The following PTPRE variants were observed in gnomAD, a reference collection of about 807,000 sequenced individuals.
The protein encoded by PTPRE is protein tyrosine phosphatase receptor type E, also known as receptor-type tyrosine-protein phosphatase epsilon.
In PTPRE, 51 loss-of-function variants were observed where a neutral mutation model predicts 102.0. That is an observed-to-expected ratio of 0.50 (90% CI 0.40 to 0.63). The LOEUF is 0.63. Ranked by LOEUF, PTPRE falls within the 30% of genes least tolerant of loss-of-function variation. The pLI is 0.00. For missense variants in PTPRE, 752 were observed against 915.1 expected, an observed-to-expected ratio of 0.82 and a Z score of 2.30; for synonymous variants, 345 against 348.2, an observed-to-expected ratio of 0.99 and a Z score of 0.10.
At chr10:127,935,147 C>T (rs576924721) in intron 1 of PTPRE, among the ~76,000 whole-genome samples, 2 of 152,322 alleles carry the variant, frequency 1.3e-5, no homozygotes, top group African/African-American at 2.4e-5. Flanking sequence ...GCAGTCCCCT[C>T]TGAGTCTGTC....
chr10:127,973,395 C>G (rs1438346761), intron 1 of PTPRE, among the ~76,000 whole-genome samples: 2 of 152,168 alleles, frequency 1.3e-5, no homozygotes, highest in Non-Finnish European at 2.9e-5. Context: ...AGAATCTTCT[C>G]TGTTATCTCT....
intron 1 of PTPRE, among the ~76,000 whole-genome samples, chr10:127,921,457 C>T (rs1050052893): frequency 2.6e-5 from 4 of 152,172 alleles, no homozygotes; most frequent in African/African-American, 4.8e-5. Flanking sequence ...CAGGCTCACT[C>T]AGGGAGCAGT....
chr10:127,927,567 G>C (rs1027714385), intron 1 of PTPRE, among the ~76,000 whole-genome samples: 5 of 152,158 alleles, frequency 3.3e-5, no homozygotes, highest in Non-Finnish European at 7.4e-5. Context: ...GCCCCAGTTT[G>C]TCTCCCCAAC....
chr10:128,062,351 C>G (rs1849681901), intron 9 of PTPRE, among the ~76,000 whole-genome samples: 1 of 152,188 alleles, frequency 6.6e-6, no homozygotes, highest in Non-Finnish European at 1.5e-5. Context: ...GAAAAAAGGA[C>G]ACACATGTGC....
chr10:128,035,883 C>T (rs779785733), intron 2 of PTPRE, among the ~76,000 whole-genome samples: 4 of 152,146 alleles, frequency 2.6e-5, no homozygotes, highest in African/African-American at 4.8e-5. Context: ...GACTGGGAAA[C>T]GGGGACACAA....
chr10:127,990,353 A>G (rs1322563466), intron 2 of PTPRE, among the ~76,000 whole-genome samples: 1 of 144,900 alleles, frequency 6.9e-6, no homozygotes, highest in African/African-American at 2.6e-5. Context: ...CGGAGGTTGC[A>G]GTGAGCCGAG....
intron 2 of PTPRE, among the ~76,000 whole-genome samples, chr10:128,006,560 C>T (rs768675338): frequency 7.9e-5 from 12 of 152,138 alleles, no homozygotes; most frequent in South Asian, 2.1e-4. Context: ...ACTATACTTA[C>T]GCTATGTTGA....
At chr10:128,005,139 C>A (rs1854393314) in intron 2 of PTPRE, among the ~76,000 whole-genome samples, 1 of 152,188 alleles carries the variant, frequency 6.6e-6, no homozygotes, top group Non-Finnish European at 1.5e-5. Context: ...GCTACTACGT[C>A]CTTACGACAT....
intron 1 of PTPRE, among the ~76,000 whole-genome samples, chr10:127,936,755 G>T (rs996667295): frequency 6.6e-6 from 1 of 152,290 alleles, no homozygotes; most frequent in Non-Finnish European, 1.5e-5. Flanking sequence ...CTATTGGAGA[G>T]GCTGAAACCC....
Position 128,053,207 on chromosome 10 carries a change from C to T in PTPRE, c.421-2916C>T, listed in dbSNP as rs572562349. Among the ~76,000 whole-genome samples, 21 of 152,204 alleles carry T rather than the reference C, an allele frequency of 1.4e-4. 1 individual carries two copies. The highest frequency in any genetic ancestry group is 3.9e-4 in the Admixed American group (6 of 15,298). The stretch of plus-strand genomic sequence containing the variant: ...CAGAGGTTGCAGTGAGTCGAGATCG[C>T]GCCACTGCCCTCCAGCCTAGGTAAC... On this transcript the variant is annotated intron_variant, in intron 6 of 20. Transcript: ENST00000254667.
At chr10:128,007,571 A>T (rs879598020) in intron 2 of PTPRE, among the ~76,000 whole-genome samples, 1 of 152,200 alleles carries the variant, frequency 6.6e-6, no homozygotes, top group Non-Finnish European at 1.5e-5. Flanking sequence ...AAAATCTTAC[A>T]ATGTTTCAGA....
intron 2 of PTPRE, among the ~76,000 whole-genome samples, chr10:127,990,006 T>C (rs1413492651): frequency 6.6e-6 from 1 of 152,198 alleles, no homozygotes; most frequent in African/African-American, 2.4e-5. Flanking sequence ...AATGAAGTGG[T>C]TGATTCTAGT....
At position 128,008,623 on chromosome 10, in the gene PTPRE, C is replaced by T. The variant is rs1844713207; in HGVS notation, c.-8+26327C>T. On this transcript the variant is annotated intron_variant, in intron 2 of 20. Coordinates refer to ENST00000254667, the MANE Select transcript of PTPRE (RefSeq NM_006504.6). The surrounding 1 kb of genome is among the most constrained non-coding windows in gnomAD (Gnocchi z 4.0). Reference sequence around the variant, plus strand: ...TTTTGGTATGGGAAGGAGCCCGACACACCTGGTCTTTCTCAACTCCTGCAA... The same window carrying T: ...TTTTGGTATGGGAAGGAGCCCGACATACCTGGTCTTTCTCAACTCCTGCAA... 6.6e-6 allele frequency among the ~76,000 whole-genome samples: 1 copy of T among 152,174 alleles called. No homozygotes were observed. Among genetic ancestry groups the T allele is most frequent in the Admixed American group, 6.5e-5 (1 of 15,278 alleles).
At chr10:127,922,119 G>A (rs949292776) in intron 1 of PTPRE, among the ~76,000 whole-genome samples, 1 of 152,246 alleles carries the variant, frequency 6.6e-6, no homozygotes, top group Non-Finnish European at 1.5e-5. Context: ...AAATAAACAA[G>A]TTGCTGATGT....
intron 11 of PTPRE, among the ~76,000 whole-genome samples, chr10:128,066,916 A>G (rs1751473710): frequency 6.6e-6 from 1 of 151,784 alleles, no homozygotes; most frequent in Non-Finnish European, 1.5e-5. Flanking sequence ...ACATACTCCC[A>G]CACACAGGCA....
At chr10:127,929,586 T>C (rs1847270239) in intron 1 of PTPRE, 1 of 152,188 alleles carries the variant, frequency 6.6e-6, no homozygotes. Context: ...GATCCCCAGT[T>C]CCCTGTTGGG....
In PTPRE at chr10:128,077,796, C is replaced by T; in HGVS notation, c.1892+13C>T. ...CCGTGCACTGCAGGTGAGCCCCCAG[C>T]CCGAAGCCCTCCAGGTGGGGTGGAC... is the stretch of plus-strand genomic sequence containing the variant. On this transcript the variant is annotated intron_variant, in intron 19 of 20. Transcript: ENST00000254667. 6.3e-7 allele frequency: 1 copy of T among 1,576,974 alleles called. No homozygotes were observed. Among genetic ancestry groups the T allele is most frequent in the Non-Finnish European group, 8.7e-7 (1 of 1,151,768 alleles).
intron 2 of PTPRE, among the ~76,000 whole-genome samples, chr10:128,036,866 C>T (rs1470167831): frequency 6.6e-6 from 1 of 152,190 alleles, no homozygotes; most frequent in Non-Finnish European, 1.5e-5. Context: ...GGTCCTGAGA[C>T]TCTGCATTCC....
In PTPRE at chr10:127,950,253, T is replaced by C. The variant is rs187112627; in HGVS notation, c.-30-32021T>C. 2.6e-5 allele frequency among the ~76,000 whole-genome samples: 4 copies of C among 152,266 alleles called. No homozygotes were observed. The East Asian group carries it at 5.8e-4, about 22-fold the overall frequency. On this transcript the variant is annotated intron_variant, in intron 1 of 20. Coordinates refer to ENST00000254667, the MANE Select transcript of PTPRE (RefSeq NM_006504.6). ...AAAGGGAGCCGACTGAATTTATTGA[T>C]ATGGACCCACTGAGCAGAGATTCTG...
Sources: allele counts gnomAD v4.1 joint callset (sites outside exome capture counted in the v4.1 genomes callset), GRCh38; gene constraint gnomAD v4.1.1; non-coding constraint Gnocchi (gnomAD v3.1); transcripts MANE v1.5; gene names NCBI Gene and HGNC (gene_info 2026-07-23, HGNC 2026-07-21).